The following RHOBTB2 variants were observed in gnomAD, a reference collection of about 807,000 sequenced individuals.
The protein encoded by RHOBTB2 is Rho related BTB domain containing 2.
A neutral mutation model predicts 66.5 loss-of-function variants in RHOBTB2; 39 were observed. The ratio of observed to expected loss-of-function variants is 0.59; its 90% confidence interval spans 0.45 to 0.77. RHOBTB2 has a LOEUF of 0.77. Ranked by LOEUF, RHOBTB2 falls within the 30% of genes least tolerant of loss-of-function variation. The pLI is 0.00. For missense variants in RHOBTB2, 755 were observed against 999.1 expected (o/e 0.76, Z 3.29); for synonymous variants, 390 against 395.0 (o/e 0.99, Z 0.15).
At position 23,018,777 on chromosome 8, in the gene RHOBTB2, G is replaced by C. The variant is rs1199451042; in HGVS notation, c.*1308G>C. ...GTGTTTTTGCGGGGCTGCAATAGGG[G>C]CCAAAAGTCAGGGAAAGGGGCACTG... On this transcript the variant is annotated 3_prime_UTR_variant, in exon 10 of 10. Transcript: ENST00000251822. 6.5e-6 allele frequency: 1 copy of C among 152,782 alleles called. No homozygotes were observed. The highest frequency in any genetic ancestry group is 2.1e-4 in the South Asian group (1 of 4,824). The allele number at this position is 152,782 out of a possible 1,614,324, so 9.5% of individuals were successfully genotyped here.
the RHOBTB2 span, among the ~76,000 whole-genome samples, chr8:22,955,565 T>C: frequency 1.4e-5 from 1 of 69,246 alleles, no homozygotes; most frequent in African/African-American, 4.5e-5. Flanking sequence ...TCAATAAATC[T>C]TTTTTTTTTT....
At chr8:22,988,554 C>T (rs765660) in intron 1 of RHOBTB2, among the ~76,000 whole-genome samples, 3,600 of 152,252 alleles carry the variant, frequency 0.024, 142 homozygotes, top group African/African-American at 0.082. Context: ...CTTCAGGCAG[C>T]AGGATCCATT....
the RHOBTB2 span, among the ~76,000 whole-genome samples, chr8:22,968,877 CCTTT>C: frequency 1.4e-3 from 215 of 150,784 alleles, 2 homozygotes; most frequent in African/African-American, 4.8e-3. Context: ...GAGGGAAAGG[CCTTT>C]CTAAGAATAA....
upstream of RHOBTB2, chr8:22,999,486 T>TC: frequency 2.1e-6 from 2 of 943,786 alleles, no homozygotes; most frequent in Non-Finnish European, 2.6e-6. Context: ...ATCCCCTTCT[T>TC]CCCCCGCCCG....
the RHOBTB2 span, among the ~76,000 whole-genome samples, chr8:22,979,993 C>T: frequency 1.6e-4 from 25 of 152,110 alleles, 1 homozygote; most frequent in South Asian, 4.8e-3. Context: ...CTATTGACCT[C>T]GTGATCCACC....
the RHOBTB2 span, among the ~76,000 whole-genome samples, chr8:22,954,142 T>G: frequency 6.6e-6 from 1 of 152,198 alleles, no homozygotes. Flanking sequence ...ATTTTTTATT[T>G]AACTCACCAT....
rs1205566717 is a variant in RHOBTB2 at position 23,004,639 on chromosome 8, G to A, written c.192+13G>A. On this transcript the variant is annotated intron_variant, in intron 2 of 9. Coordinates refer to ENST00000251822, the MANE Select transcript of RHOBTB2 (RefSeq NM_015178.3). This position sits in a 1 kb window ranked among gnomAD's most constrained non-coding sequence, Gnocchi z 6.4. ...TGTGTGCCAGGAGGTAAGGCTGCAG[G>A]ACTACCTGGCTGGGGGTCCACGCCA... 8 of 1,607,250 alleles carry A rather than the reference G, an allele frequency of 5.0e-6. No individual in the cohort carries two copies. Among genetic ancestry groups the A allele is most frequent in the Non-Finnish European group, 5.9e-6 (7 of 1,177,402 alleles).
the RHOBTB2 span, among the ~76,000 whole-genome samples, chr8:22,977,501 G>A: frequency 6.6e-6 from 1 of 151,650 alleles, no homozygotes; most frequent in East Asian, 1.9e-4. Flanking sequence ...AAGCCTGGGA[G>A]GTGGAGGCTG....
upstream of RHOBTB2, among the ~76,000 whole-genome samples, chr8:22,987,065 C>T (rs972805226): frequency 2.6e-5 from 4 of 152,272 alleles, no homozygotes; most frequent in Non-Finnish European, 5.9e-5. Context: ...GAAGCCATAA[C>T]TTGTTCCCTG....
At position 22,990,226 on chromosome 8, in the gene RHOBTB2, T is replaced by C. The variant is rs190007381; in HGVS notation, c.-136-1842T>C. Among the ~76,000 whole-genome samples, 34 of 151,720 alleles carry C rather than the reference T, an allele frequency of 2.2e-4. No individual in the cohort carries two copies. The East Asian group carries it at 5.4e-3, about 24-fold the overall frequency. Reference sequence around the variant, plus strand: ...ATAAACGAAGGAAGGACCAAACAAGTCTCATATTTTTCAGAGAAAAGGGGG... The same window carrying C: ...ATAAACGAAGGAAGGACCAAACAAGCCTCATATTTTTCAGAGAAAAGGGGG... On this transcript the variant is annotated intron_variant, in intron 1 of 11. Transcript: ENST00000519685.
At chr8:22,999,428 G>A (rs1054136395), upstream of RHOBTB2, among the ~76,000 whole-genome samples, 266 of 151,244 alleles carry the variant, frequency 1.8e-3, no homozygotes, top group African/African-American at 5.2e-3. Context: ...GAAGAGCGCG[G>A]GCGGTGGGCG....
the RHOBTB2 span, among the ~76,000 whole-genome samples, chr8:22,962,671 A>C: frequency 6.6e-6 from 1 of 152,236 alleles, no homozygotes; most frequent in Admixed American, 6.5e-5. Context: ...AGAGTGTATG[A>C]TCATATAATA....
chr8:22,978,347 C>T, the RHOBTB2 span, among the ~76,000 whole-genome samples: 37,782 of 151,438 alleles, frequency 0.25, 5,256 homozygotes, highest in Admixed American at 0.31. Flanking sequence ...ATTAGCCAGG[C>T]GTGTTGGCGG....
upstream of RHOBTB2, among the ~76,000 whole-genome samples, chr8:22,998,626 C>G (rs988924910): frequency 6.9e-6 from 1 of 144,334 alleles, no homozygotes; most frequent in Non-Finnish European, 1.5e-5. Flanking sequence ...CCCAGCTACT[C>G]GGGAGGCTGA....
At chr8:23,002,467 A>G (rs903918799) in intron 1 of RHOBTB2, among the ~76,000 whole-genome samples, 10 of 152,296 alleles carry the variant, frequency 6.6e-5, no homozygotes, top group African/African-American at 2.4e-4. Flanking sequence ...CAAGGCGGGC[A>G]GATCACTTGA....
Position 23,020,036 on chromosome 8 carries a change from G to C in RHOBTB2, c.*2567G>C. On this transcript the variant is annotated 3_prime_UTR_variant, in exon 10 of 10. Transcript: ENST00000251822. ...AAAACAGAGGGGAGGGAGGAAGGAA[G>C]GAGTCCCAGCAGGAGCACAGCCCTG... 1 of 327,948 alleles carries C rather than the reference G, an allele frequency of 3.0e-6. No homozygotes were observed. The highest frequency in any genetic ancestry group is 2.5e-5 in the South Asian group (1 of 39,736). The allele number at this position is 327,948 out of a possible 1,614,324, so 20.3% of individuals were successfully genotyped here. A position where few individuals can be genotyped will look rare whatever the true frequency, so the allele number is the denominator to read the frequency against.
At chr8:22,996,557 G>T (rs757454707), upstream of RHOBTB2, among the ~76,000 whole-genome samples, 21 of 117,548 alleles carry the variant, frequency 1.8e-4, no homozygotes, top group African/African-American at 7.1e-4. Flanking sequence ...GTGTGTGTGT[G>T]TGTGTGTGTG....
Position 23,006,752 on chromosome 8 carries a change from G to GC in RHOBTB2, c.512dup (p.Glu172ArgfsTer16), listed in dbSNP as rs1810961850. On this transcript the variant is annotated frameshift_variant, in exon 5 of 10. Coordinates refer to ENST00000251822, the MANE Select transcript of RHOBTB2 (RefSeq NM_015178.3). LOFTEE classifies it high-confidence loss of function. The surrounding 1 kb of genome is among the most constrained non-coding windows in gnomAD (Gnocchi z 6.1). ...GGCCCATCAAACCTAATGAAATCCTGCCCCCAGAGAAGGGTCGGGAGGTGG... is the reference window on the plus strand; with the variant it reads ...GGCCCATCAAACCTAATGAAATCCTGCCCCCCAGAGAAGGGTCGGGAGGTGG... 1 of 1,612,576 alleles carries GC rather than the reference G, an allele frequency of 6.2e-7. No individual in the cohort carries two copies. The highest frequency in any genetic ancestry group is 1.3e-5 in the African/African-American group (1 of 74,842).
At chr8:22,996,335 G>C (rs1476118000), upstream of RHOBTB2, among the ~76,000 whole-genome samples, 1 of 152,128 alleles carries the variant, frequency 6.6e-6, no homozygotes, top group Non-Finnish European at 1.5e-5. Flanking sequence ...GGAAGCCCTT[G>C]GGCTACAGCC....
Sources: gnomAD v4.1 joint callset for allele counts (sites outside exome capture counted in the v4.1 genomes callset) on GRCh38, gnomAD v4.1.1 for gene constraint, Gnocchi (gnomAD v3.1) non-coding constraint, MANE v1.5 for transcripts, NCBI Gene and HGNC (gene_info 2026-07-23, HGNC 2026-07-21) for gene names.